HIPK3: variants seen among roughly 807,000 people sequenced by gnomAD.
The protein encoded by HIPK3 is homeodomain interacting protein kinase 3, also known as homeodomain-interacting protein kinase 3.
Under a neutral mutation model 124.2 loss-of-function variants are expected in HIPK3, and 47 were observed. That is an observed-to-expected ratio of 0.38 (90% CI 0.30 to 0.48). HIPK3 has a LOEUF of 0.48. Ranked by LOEUF, HIPK3 falls within the 20% of genes least tolerant of loss-of-function variation. The pLI, the probability that HIPK3 is intolerant of heterozygous loss-of-function variation, is 0.98. For synonymous variants in HIPK3, 482 were observed against 515.2 expected (o/e 0.94, Z 0.87); for missense variants, 1,286 against 1,454.3 (o/e 0.88, Z 1.88).
intron 1 of HIPK3, among the ~76,000 whole-genome samples, chr11:33,275,179 G>A (rs1325171295): frequency 1.3e-5 from 2 of 151,818 alleles, no homozygotes; most frequent in African/African-American, 4.8e-5. Context: ...AGCTGGGATT[G>A]CAGTTGCGTG....
chr11:33,335,676 T>G (rs1212543916), intron 3 of HIPK3: 7 of 151,932 alleles, frequency 4.6e-5, no homozygotes, highest in Non-Finnish European at 1.0e-4. Flanking sequence ...ATATTGAACA[T>G]TTTTGTATTT....
intron 1 of HIPK3, among the ~76,000 whole-genome samples, chr11:33,269,342 A>G (rs1851059765): frequency 6.6e-6 from 1 of 152,028 alleles, no homozygotes; most frequent in Non-Finnish European, 1.5e-5. Flanking sequence ...TTGGGATTTC[A>G]CTCCTCTCTC....
At chr11:33,277,950 G>A (rs905116427) in intron 1 of HIPK3, among the ~76,000 whole-genome samples, 3 of 152,086 alleles carry the variant, frequency 2.0e-5, no homozygotes, top group African/African-American at 7.2e-5. Context: ...AACATAATAT[G>A]ACTTCTTTAG....
intron 2 of HIPK3, among the ~76,000 whole-genome samples, chr11:33,324,021 TAA>T (rs1177488012): frequency 2.0e-5 from 3 of 152,204 alleles, no homozygotes; most frequent in Admixed American, 2.0e-4. Context: ...GCCCAGAGGA[TAA>T]GAGTTAAAGT....
intron 9 of HIPK3, 72 bp downstream of exon 9, chr11:33,347,486 G>A: frequency 6.3e-7 from 1 of 1,596,154 alleles, no homozygotes; most frequent in Non-Finnish European, 8.6e-7. Context: ...ACCTGGATAG[G>A]GATTTAATCC....
chr11:33,336,432 C>G (rs1009758509), intron 3 of HIPK3, among the ~76,000 whole-genome samples: 2 of 152,178 alleles, frequency 1.3e-5, no homozygotes, highest in African/African-American at 4.8e-5. Context: ...ATCTAAATCT[C>G]TTTTGAATCC....
At chr11:33,314,360 A>G (rs1305104085) in intron 2 of HIPK3, among the ~76,000 whole-genome samples, 1 of 152,162 alleles carries the variant, frequency 6.6e-6, no homozygotes, top group African/African-American at 2.4e-5. Context: ...TTAGCACAGA[A>G]TCTGACTCTA....
rs749706558 is a variant in HIPK3, at chr11:33,341,553, G to A, written c.1774-10G>A. 1.7e-5 allele frequency: 28 copies of A among 1,602,606 alleles called. 1 individual carries two copies. The highest frequency in any genetic ancestry group is 1.7e-4 in the Middle Eastern group (1 of 6,026). On this transcript the variant is annotated splice_polypyrimidine_tract_variant and intron_variant, in intron 7 of 16. Transcript: ENST00000303296. ...GAAGACTGCTCTATATAATGTGCTC[G>A]TTGTTTCAGGCATTGACCACATCTG...
At chr11:33,273,646 T>TA (rs1465191189) in intron 1 of HIPK3, among the ~76,000 whole-genome samples, 1 of 151,510 alleles carries the variant, frequency 6.6e-6, no homozygotes, top group Non-Finnish European at 1.5e-5. Flanking sequence ...TTGTAGAAAT[T>TA]AAAAAAATAC....
intron 2 of HIPK3, among the ~76,000 whole-genome samples, chr11:33,306,513 A>G (rs559253195): frequency 6.6e-6 from 1 of 152,262 alleles, no homozygotes; most frequent in African/African-American, 2.4e-5. Context: ...CAATATACTT[A>G]TGTCTGATAG....
chr11:33,289,550 ATATATT>A (rs1180289857), intron 2 of HIPK3, among the ~76,000 whole-genome samples: 1 of 152,150 alleles, frequency 6.6e-6, no homozygotes, highest in African/African-American at 2.4e-5. Flanking sequence ...TAGTAGGTAT[ATATATT>A]TATGAGGTAT....
At chr11:33,339,241 CCCTCT>C in intron 5 of HIPK3, 104 bp from the exon 6 acceptor site, 1 of 715,818 alleles carries the variant, frequency 1.4e-6, no homozygotes, top group Non-Finnish European at 2.3e-6. Context: ...AATTGTAGTT[CCCTCT>C]CCTCTCCTGT....
At chr11:33,299,463 ACT>A (rs1565072307) in intron 2 of HIPK3, among the ~76,000 whole-genome samples, 1 of 150,854 alleles carries the variant, frequency 6.6e-6, no homozygotes, top group Non-Finnish European at 1.5e-5. Context: ...GCAGAACGAG[ACT>A]CTGTCTCAAA....
intron 1 of HIPK3, among the ~76,000 whole-genome samples, chr11:33,283,225 C>T (rs896090043): frequency 1.3e-5 from 2 of 151,952 alleles, no homozygotes; most frequent in African/African-American, 2.4e-5. Flanking sequence ...ATTCTCCTGC[C>T]TCAGCCTCCC....
chr11:33,295,606 C>A (rs1196833347), intron 2 of HIPK3, among the ~76,000 whole-genome samples: 3 of 152,254 alleles, frequency 2.0e-5, no homozygotes, highest in African/African-American at 7.2e-5. Flanking sequence ...CAGCTCCTTA[C>A]ATCTTTCTTT....
At chr11:33,325,567 T>C (rs1852786260) in intron 2 of HIPK3, among the ~76,000 whole-genome samples, 1 of 152,226 alleles carries the variant, frequency 6.6e-6, no homozygotes, top group African/African-American at 2.4e-5. Flanking sequence ...TTATAAACTC[T>C]TGTGCCCCGT....
upstream of HIPK3, chr11:33,257,330 C>T (rs1246038718): frequency 3.0e-6 from 3 of 983,834 alleles, no homozygotes; most frequent in East Asian, 1.1e-4. Flanking sequence ...GCTGCGGAGG[C>T]GGTGGCCGAG....
intron 3 of HIPK3, among the ~76,000 whole-genome samples, chr11:33,336,553 A>G (rs886397016): frequency 2.2e-4 from 33 of 152,128 alleles, no homozygotes; most frequent in African/African-American, 7.5e-4. Flanking sequence ...GTAAGCTGTC[A>G]ATTTCTTGCT....
At chr11:33,303,261 A>C (rs1852056624) in intron 2 of HIPK3, among the ~76,000 whole-genome samples, 1 of 152,170 alleles carries the variant, frequency 6.6e-6, no homozygotes, top group African/African-American at 2.4e-5. Context: ...TATAATGCCT[A>C]ATACAATGTA....
Sources: allele counts gnomAD v4.1 joint callset (sites outside exome capture counted in the v4.1 genomes callset), GRCh38; gene constraint gnomAD v4.1.1; transcripts MANE v1.5; gene names NCBI Gene and HGNC (gene_info 2026-07-23, HGNC 2026-07-21).